Variants in PROX2 observed in about 807,000 individuals in gnomAD.
PROX2 encodes prospero homeobox 2.
PROX2 carries 46 observed loss-of-function variants against 48.9 expected under a neutral mutation model. The observed-to-expected ratio is 0.94, with a 90% CI of 0.74 to 1.20. The LOEUF (loss-of-function observed/expected upper bound fraction) is 1.20. Ranked by LOEUF, PROX2 falls within the 50% of genes most tolerant of loss-of-function variation. PROX2 has a pLI of 0.00. For missense variants in PROX2, 663 were observed against 719.4 expected, an observed-to-expected ratio of 0.92 and a Z score of 0.90; for synonymous variants, 260 against 276.6, an observed-to-expected ratio of 0.94 and a Z score of 0.60.
chr14:74,857,223 G>T (rs2091751142), intron 4 of PROX2: 12 of 430,536 alleles, frequency 2.8e-5, no homozygotes, highest in Non-Finnish European at 5.0e-5. Context: ...ACTTTTTTTT[G>T]ATATGCTAGA....
intron 1 of PROX2, among the ~76,000 whole-genome samples, chr14:74,874,581 G>T (rs943500565): frequency 1.3e-5 from 2 of 152,034 alleles, no homozygotes; most frequent in African/African-American, 4.8e-5. Flanking sequence ...AAATCAGTGG[G>T]CATTGGAGTG....
intron 2 of PROX2, among the ~76,000 whole-genome samples, chr14:74,865,615 G>C (rs1054577235): frequency 5.3e-5 from 8 of 152,132 alleles, no homozygotes; most frequent in African/African-American, 1.4e-4. Context: ...GGCTGAGGCG[G>C]GTGGATCACA....
Position 74,862,653 on chromosome 14 carries a change from C to T in PROX2, c.1182G>A (p.Gln394=), listed in dbSNP as rs767898623. Residue 394 remains glutamine (Q), a synonymous_variant, in exon 3 of 6, where the codon CAG becomes CAA. Transcript: ENST00000556489. ...AGGTGAAAGGCAAGGGACACTGCTGCTGGCTCAGGACCAATGGTTGCGGCT... is the reference window on the plus strand; with the variant it reads ...AGGTGAAAGGCAAGGGACACTGCTGTTGGCTCAGGACCAATGGTTGCGGCT... ...TTKPQPLVLS[Q]QQCPLPFTSA... The T allele has an allele frequency of 1.2e-6, 2 of 1,614,010 alleles. No homozygotes were observed. The highest frequency in any genetic ancestry group is 1.7e-6 in the Non-Finnish European group (2 of 1,179,892).
At chr14:74,868,794 C>T (rs950552113) in intron 2 of PROX2, among the ~76,000 whole-genome samples, 2 of 151,452 alleles carry the variant, frequency 1.3e-5, no homozygotes, top group East Asian at 2.0e-4. Context: ...GCCGAGATCA[C>T]GCCACTGCAC....
chr14:74,874,710 G>A (rs572814483), intron 1 of PROX2, among the ~76,000 whole-genome samples: 1 of 152,252 alleles, frequency 6.6e-6, no homozygotes. Flanking sequence ...AAAGATATTG[G>A]ACCAGTTTGA....
At chr14:74,875,732 G>A (rs1883326774) in intron 1 of PROX2, among the ~76,000 whole-genome samples, 163 bp downstream of exon 1, 1 of 152,184 alleles carries the variant, frequency 6.6e-6, no homozygotes, top group African/African-American at 2.4e-5. Flanking sequence ...ACAAAAATAA[G>A]CAAATACATA....
chr14:74,874,355 C>T (rs1883288944), intron 1 of PROX2: 5 of 234,082 alleles, frequency 2.1e-5, no homozygotes, highest in South Asian at 2.1e-4. Flanking sequence ...CGGGTTCAAG[C>T]GATTCTTCTC....
Position 74,862,540 on chromosome 14 carries a change from G to T in PROX2, c.1295C>A (p.Ser432Tyr). Residue 432 changes from serine to tyrosine, a missense_variant, in exon 3 of 6, where the codon TCT becomes TAT. Coordinates refer to ENST00000556489, the MANE Select transcript of PROX2 (RefSeq NM_001243007.2). ...LHAVMEALPF[S>Y]LVHIQEGLNP... ...GCTATTAAAGGATATGTGGACCAAA[G>T]AGAAAGGCAGTGCCTCCATGACAGC... The T allele has an allele frequency of 6.2e-7, 1 of 1,612,802 alleles. No individual in the cohort carries two copies. Among genetic ancestry groups the T allele is most frequent in the South Asian group, 1.1e-5 (1 of 90,952 alleles).
intron 2 of PROX2, among the ~76,000 whole-genome samples, chr14:74,870,796 T>C (rs1261584172): frequency 6.6e-6 from 1 of 152,122 alleles, no homozygotes; most frequent in Non-Finnish European, 1.5e-5. Flanking sequence ...TCCCAGCACT[T>C]TGGGAGGCCA....
intron 5 of PROX2, chr14:74,856,447 T>C: frequency 4.9e-6 from 1 of 202,422 alleles, no homozygotes; most frequent in Non-Finnish European, 9.9e-6. Flanking sequence ...CAAGACTAGG[T>C]GCCACAACTG....
intron 1 of PROX2, among the ~76,000 whole-genome samples, chr14:74,872,552 T>C (rs1883239669): frequency 6.6e-6 from 1 of 152,228 alleles, no homozygotes; most frequent in Non-Finnish European, 1.5e-5. Context: ...GCCTTACCCA[T>C]TGTACTCCTG....
At position 74,858,790 on chromosome 14, in the gene PROX2, G is replaced by GTGTGTT. The variant is rs1184321582; in HGVS notation, c.1306-277_1306-276insAACACA. The GTGTGTT allele has an allele frequency of 9.6e-5, 32 of 332,076 alleles. 1 individual carries two copies. Among genetic ancestry groups the GTGTGTT allele is most frequent in the African/African-American group, 6.7e-4 (29 of 43,062 alleles). 20.6% of individuals were successfully genotyped at this position (332,076 alleles called of 1,614,324 possible). A position where few individuals can be genotyped will look rare whatever the true frequency, so the allele number is the denominator to read the frequency against. On this transcript the variant is annotated intron_variant, in intron 3 of 5. Transcript: ENST00000556489. The stretch of plus-strand genomic sequence containing the variant: ...AGGTTGGTGTATTTTGTGTGTGTGT[G>GTGTGTT]TGTGTGTGTGTGTGTGTGTGGTGTC...
Position 74,856,993 on chromosome 14 carries a change from G to A in PROX2, c.1416C>T (p.Phe472=). 6.2e-7 allele frequency: 1 copy of A among 1,613,714 alleles called. No individual in the cohort carries two copies. The highest frequency in any genetic ancestry group is 2.2e-5 in the East Asian group (1 of 44,882). Residue 472 remains phenylalanine (F), a splice_region_variant and synonymous_variant, in exon 5 of 6, where the codon TTC becomes TTT. Transcript: ENST00000556489. ...TCATCTGGGAGGTAATGCAGCGGTT[G>A]AACTGTACAAACAAGAGGTCCATCC... ...LLKVYFPDVQ[F]NRCITSQMIK...
chr14:74,874,883 G>A (rs545189270), intron 1 of PROX2, among the ~76,000 whole-genome samples: 151 of 152,172 alleles, frequency 9.9e-4, no homozygotes, highest in Non-Finnish European at 1.6e-3. Context: ...GGTGGCTCAC[G>A]CCTGTCATCC....
chr14:74,860,690 C>A (rs115798351), intron 3 of PROX2, among the ~76,000 whole-genome samples: 1,733 of 152,250 alleles, frequency 0.011, 35 homozygotes, highest in African/African-American at 0.04. Context: ...AGTTGAGGGG[C>A]CAGGGTGCTG....
Position 74,862,549 on chromosome 14 carries a change from A to G in PROX2, c.1286T>C (p.Leu429Pro), listed in dbSNP as rs891036596. The stretch of plus-strand genomic sequence containing the variant: ...GGATATGTGGACCAAAGAGAAAGGC[A>G]GTGCCTCCATGACAGCATGCAGGCC... ...QRGLHAVMEA[L>P]PFSLVHIQEG... Residue 429 changes from leucine to proline, a missense_variant, in exon 3 of 6, where the codon CTG (leucine) becomes CCG (proline). Transcript: ENST00000556489. The G allele has an allele frequency of 6.2e-7, 1 of 1,613,424 alleles. No homozygotes were observed. Among genetic ancestry groups the G allele is most frequent in the African/African-American group, 1.3e-5 (1 of 75,042 alleles).
At chr14:74,860,133 G>C (rs544685578) in intron 3 of PROX2, among the ~76,000 whole-genome samples, 8 of 152,302 alleles carry the variant, frequency 5.3e-5, no homozygotes, top group Admixed American at 2.6e-4. Context: ...GCTTGAGAAC[G>C]GTGAGATAAT....
At position 74,858,373 on chromosome 14, in the gene PROX2, C is replaced by T. The variant is rs1414964820; in HGVS notation, c.1413+34G>A. On this transcript the variant is annotated intron_variant, in intron 4 of 5. Transcript: ENST00000556489. The stretch of plus-strand genomic sequence containing the variant: ...CAAAACACACTGCCTCTTGGGAGTT[C>T]TGCAGAAGCTGCCATTTAGTTGAGT... 5 of 1,346,124 alleles carry T rather than the reference C, an allele frequency of 3.7e-6. No individual in the cohort carries two copies. The South Asian group carries it at 3.8e-5, about 10-fold the overall frequency. The allele number at this position is 1,346,124 out of a possible 1,614,324, so 83.4% of individuals were successfully genotyped here.
intron 2 of PROX2, among the ~76,000 whole-genome samples, chr14:74,864,270 A>T (rs148237656): frequency 0.012 from 1,902 of 152,174 alleles, 20 homozygotes; most frequent in South Asian, 0.041. Flanking sequence ...CAATAAAATA[A>T]TAATAATAAT....
Sources: allele counts gnomAD v4.1 joint callset (sites outside exome capture counted in the v4.1 genomes callset), GRCh38; gene constraint gnomAD v4.1.1; transcripts MANE v1.5; gene names NCBI Gene and HGNC (gene_info 2026-07-23, HGNC 2026-07-21).